The following RAB10 variants were observed in gnomAD, a reference collection of about 807,000 sequenced individuals.
RAB10 encodes the protein ras-related protein Rab-10.
In RAB10, 5 loss-of-function variants were observed where a neutral mutation model predicts 25.7. That is an observed-to-expected ratio of 0.19 (90% CI 0.10 to 0.41). RAB10 has a LOEUF of 0.41. Ranked by LOEUF, RAB10 falls within the 10% of genes least tolerant of loss-of-function variation. The pLI is 1.00. For synonymous variants in RAB10, 89 were observed against 86.4 expected, an observed-to-expected ratio of 1.03 and a Z score of -0.16; for missense variants, 103 against 245.8, an observed-to-expected ratio of 0.42 and a Z score of 3.89.
chr2:26,098,080 C>T (rs1334293293), intron 1 of RAB10, among the ~76,000 whole-genome samples: 15 of 131,722 alleles, frequency 1.1e-4, no homozygotes, highest in Admixed American at 8.2e-4. Flanking sequence ...AAAACTCACT[C>T]TTTCTTCTTT....
chr2:26,122,832 A>G (rs1231141395), intron 3 of RAB10, among the ~76,000 whole-genome samples: 1 of 152,108 alleles, frequency 6.6e-6, no homozygotes, highest in East Asian at 1.9e-4. Flanking sequence ...AAGACACAGC[A>G]GACAAGTTCC....
chr2:26,126,032 T>A (rs998415474), intron 3 of RAB10, among the ~76,000 whole-genome samples: 2 of 152,216 alleles, frequency 1.3e-5, no homozygotes, highest in Admixed American at 6.5e-5. Flanking sequence ...TTAATTTTTT[T>A]ATATGGTTTA....
intron 1 of RAB10, among the ~76,000 whole-genome samples, chr2:26,056,619 G>A (rs901803147): frequency 1.1e-4 from 17 of 152,260 alleles, no homozygotes; most frequent in African/African-American, 4.1e-4. Flanking sequence ...GTATTTTAAT[G>A]TATTCCCTAA....
chr2:26,060,658 A>C (rs1431911153), intron 1 of RAB10, among the ~76,000 whole-genome samples: 1 of 152,204 alleles, frequency 6.6e-6, no homozygotes, highest in Non-Finnish European at 1.5e-5. Context: ...TTGGATTAGA[A>C]ACATTAGGTA....
intron 1 of RAB10, among the ~76,000 whole-genome samples, chr2:26,078,370 T>C (rs1666784561): frequency 6.6e-6 from 1 of 152,170 alleles, no homozygotes; most frequent in African/African-American, 2.4e-5. Flanking sequence ...AAAACAGTCT[T>C]GAAAAAGAAA....
At chr2:26,107,593 T>G (rs866297492) in intron 2 of RAB10, among the ~76,000 whole-genome samples, 1 of 151,652 alleles carries the variant, frequency 6.6e-6, no homozygotes, top group African/African-American at 2.4e-5. Context: ...GTCAGGAGTT[T>G]GAGACGAGCC....
intron 1 of RAB10, among the ~76,000 whole-genome samples, chr2:26,050,901 C>T (rs1379839499): frequency 6.6e-6 from 1 of 151,926 alleles, no homozygotes; most frequent in Non-Finnish European, 1.5e-5. Flanking sequence ...GTCCTTGTGC[C>T]TGTCCTTAAA....
chr2:26,038,285 C>T (rs1316214175), intron 1 of RAB10, among the ~76,000 whole-genome samples: 7 of 151,894 alleles, frequency 4.6e-5, no homozygotes, highest in Non-Finnish European at 1.0e-4. Context: ...CAACCTCTGC[C>T]TCCCAGGTTC....
rs901915067 is a variant in RAB10, at chr2:26,056,291, C to T, written c.127+21556C>T. ...TCGGCTCACTGCAACCTGCGCCTCC[C>T]GGGTTCAGGCAATTCTCCTGCCTCA... On this transcript the variant is annotated intron_variant, in intron 1 of 5. Transcript: ENST00000264710. 5.3e-5 allele frequency among the ~76,000 whole-genome samples: 8 copies of T among 152,014 alleles called. No individual in the cohort carries two copies. The East Asian group carries it at 9.6e-4, about 18-fold the overall frequency.
chr2:26,131,011 ATCT>A (rs1438606516), intron 5 of RAB10, among the ~76,000 whole-genome samples: 3 of 140,272 alleles, frequency 2.1e-5, no homozygotes, highest in Admixed American at 7.1e-5. Context: ...ATGTCCTTTG[ATCT>A]TCTCATCAGT....
intron 1 of RAB10, among the ~76,000 whole-genome samples, chr2:26,064,124 A>G (rs914452394): frequency 2.6e-5 from 4 of 152,164 alleles, no homozygotes; most frequent in Non-Finnish European, 5.9e-5. Context: ...TTTGGAGATA[A>G]TAAATTTGAG....
chr2:26,042,023 T>C (rs1665901083), intron 1 of RAB10, among the ~76,000 whole-genome samples: 1 of 152,240 alleles, frequency 6.6e-6, no homozygotes, highest in South Asian at 2.1e-4. Flanking sequence ...ATCTTGGTAG[T>C]ATGAGCTCAG....
intron 1 of RAB10, among the ~76,000 whole-genome samples, chr2:26,052,056 CA>C (rs71399349): frequency 5.4e-4 from 62 of 115,198 alleles, no homozygotes; most frequent in East Asian, 2.5e-3. Flanking sequence ...GACTCAGTCT[CA>C]AAAAAAAAAA....
chr2:26,083,967 A>G (rs1325874642), intron 1 of RAB10, among the ~76,000 whole-genome samples: 1 of 152,248 alleles, frequency 6.6e-6, no homozygotes, highest in African/African-American at 2.4e-5. Flanking sequence ...ACTACAAAAT[A>G]TCGCTGAGAG....
At chr2:26,047,175 C>T in intron 1 of RAB10, among the ~76,000 whole-genome samples, 1 of 152,114 alleles carries the variant, frequency 6.6e-6, no homozygotes, top group Non-Finnish European at 1.5e-5. Flanking sequence ...TACAACAGTT[C>T]CAAGGAACAA....
Position 26,111,355 on chromosome 2 carries a change from A to G in RAB10, c.327+1449A>G, listed in dbSNP as rs550761878. 2.6e-5 allele frequency among the ~76,000 whole-genome samples: 4 copies of G among 152,340 alleles called. No homozygotes were observed. In the South Asian group the frequency reaches 8.3e-4, roughly 32 times the overall value. On this transcript the variant is annotated intron_variant, in intron 3 of 5. Coordinates refer to ENST00000264710, the MANE Select transcript of RAB10 (RefSeq NM_016131.5). ...CGCGGTGGCTCACGCCTGTAATCCC[A>G]GCACTCTGGGAGGCCGAGGTGGGCG...
intron 3 of RAB10, among the ~76,000 whole-genome samples, chr2:26,114,932 G>GGAC (rs1328367231): frequency 6.6e-6 from 1 of 151,878 alleles, no homozygotes; most frequent in African/African-American, 2.4e-5. Flanking sequence ...AAAGGATCAT[G>GGAC]GACCTACATG....
At chr2:26,128,578 A>G (rs1375251076) in intron 5 of RAB10, among the ~76,000 whole-genome samples, 1 of 149,292 alleles carries the variant, frequency 6.7e-6, no homozygotes, top group East Asian at 2.0e-4. Context: ...TCGCTTAATG[A>G]GTACTTTGCA....
intron 1 of RAB10, 83 bp downstream of exon 1, chr2:26,034,818 T>C (rs1404578044): frequency 2.6e-6 from 4 of 1,551,864 alleles, no homozygotes; most frequent in African/African-American, 1.4e-5. Context: ...TCCCGTAATA[T>C]ACGCCTTTGT....
Sources: allele counts gnomAD v4.1 joint callset (sites outside exome capture counted in the v4.1 genomes callset), GRCh38; gene constraint gnomAD v4.1.1; transcripts MANE v1.5; gene names NCBI Gene and HGNC (gene_info 2026-07-23, HGNC 2026-07-21).